Variants in ZNF117 observed in about 807,000 individuals in gnomAD.
The protein encoded by ZNF117 is zinc finger protein 117, also known as Krueppel-related zinc finger protein.
In ZNF117, 37 loss-of-function variants were observed where a neutral mutation model predicts 41.2. That is an observed-to-expected ratio of 0.90 (90% confidence interval 0.69 to 1.18). The LOEUF (loss-of-function observed/expected upper bound fraction) is 1.18, where lower values mean the gene tolerates loss of function less well. ZNF117 is among the 50% of genes most tolerant of loss of function. ZNF117 has a pLI of 0.00. For missense variants in ZNF117, 546 were observed against 557.5 expected, an observed-to-expected ratio of 0.98 and a Z score of 0.21; for synonymous variants, 186 against 186.6, an observed-to-expected ratio of 1.00 and a Z score of 0.02.
downstream of ZNF117, chr7:64,974,387 G>C (rs527521857): frequency 2.0e-5 from 3 of 151,992 alleles, no homozygotes; most frequent in South Asian, 4.1e-4. Flanking sequence ...TGAATCATAA[G>C]TCAGAAGATT....
chr7:64,976,780 G>A (rs1048541936), exon 3 of ZNF117: 3 of 369,974 alleles, frequency 8.1e-6, no homozygotes, highest in African/African-American at 4.3e-5. Context: ...AAGTTTGAAG[G>A]TGTTGTCAAA....
chr7:64,978,026 G>A (rs1785927934), exon 3 of ZNF117: 4 of 1,378,932 alleles, frequency 2.9e-6, no homozygotes, highest in Admixed American at 2.0e-5. Flanking sequence ...GTTTAGTAAG[G>A]GTTGAGAAAT....
exon 3 of ZNF117, chr7:64,974,541 ACACT>A (rs1379026454): frequency 6.6e-6 from 1 of 151,950 alleles, no homozygotes; most frequent in Non-Finnish European, 1.5e-5. Context: ...GTACAAACTC[ACACT>A]CACACAAAAA....
chr7:64,982,274 A>G (rs932607953), upstream of ZNF117, among the ~76,000 whole-genome samples: 4 of 152,232 alleles, frequency 2.6e-5, no homozygotes, highest in Non-Finnish European at 5.9e-5. Context: ...TTTTTAACAC[A>G]GAAATATTTT....
exon 3 of ZNF117, chr7:64,979,524 T>G (rs1785979033): frequency 1.4e-6 from 2 of 1,480,244 alleles, no homozygotes; most frequent in African/African-American, 2.8e-5. Context: ...TTGGGCAAAA[T>G]AATAAAACAT....
chr7:64,979,651 A>C (rs1007427187), intron 2 of ZNF117, 115 bp from the exon 4 acceptor site: 1 of 782,238 alleles, frequency 1.3e-6, no homozygotes, highest in Non-Finnish European at 1.8e-6. Flanking sequence ...ATAGCAAAAT[A>C]CCACAGGTTC....
chr7:64,978,212 A>T, exon 3 of ZNF117: 1 of 1,612,908 alleles, frequency 6.2e-7, no homozygotes, highest in Non-Finnish European at 8.5e-7. Flanking sequence ...ATTGGTTAAA[A>T]GCTTTGCCAC....
At chr7:64,985,967 A>AAAAAAAG (rs1554299672), upstream of ZNF117, among the ~76,000 whole-genome samples, 2 of 149,010 alleles carry the variant, frequency 1.3e-5, no homozygotes, top group African/African-American at 4.9e-5. Flanking sequence ...AAAAAAAAAA[A>AAAAAAAG]AAAGAAAGAA....
intron 2 of ZNF117, chr7:64,981,071 T>C (rs1411950310): frequency 3.4e-6 from 1 of 292,194 alleles, no homozygotes; most frequent in Non-Finnish European, 6.3e-6. Context: ...TTCTCAAAAT[T>C]ATGCATATTT....
At chr7:64,990,549 G>GT (rs34577522) in exon 1 of ZNF117, 78,239 of 153,146 alleles carry the variant, frequency 0.51, 20,977 homozygotes, top group Admixed American at 0.63. Context: ...TAATCATACC[G>GT]TGACAGGTTT....
exon 3 of ZNF117, chr7:64,978,335 A>G: frequency 6.2e-7 from 1 of 1,613,620 alleles, no homozygotes; most frequent in African/African-American, 1.3e-5. Flanking sequence ...GTTTCTCTCC[A>G]GTATGAATTT....
At chr7:64,989,518 G>C (rs1237133944) in intron 1 of ZNF117, among the ~76,000 whole-genome samples, 1 of 95,592 alleles carries the variant, frequency 1.0e-5, no homozygotes, top group Admixed American at 1.3e-4. Flanking sequence ...AAATAATCTA[G>C]AAAATAACCT....
chr7:64,979,018 T>C (rs1562984514), exon 3 of ZNF117: 2 of 1,613,378 alleles, frequency 1.2e-6, no homozygotes, highest in Non-Finnish European at 1.7e-6. Context: ...GTATGAATTC[T>C]CTTATGTCTA....
upstream of ZNF117, among the ~76,000 whole-genome samples, chr7:64,982,414 T>C (rs1354484354): frequency 6.6e-6 from 1 of 152,226 alleles, no homozygotes; most frequent in Non-Finnish European, 1.5e-5. Flanking sequence ...TATTTTTAAA[T>C]GCTATATCTG....
At chr7:64,988,194 CA>C (rs1404652014) in intron 1 of ZNF117, among the ~76,000 whole-genome samples, 1 of 152,042 alleles carries the variant, frequency 6.6e-6, no homozygotes. Flanking sequence ...ACCATTGATG[CA>C]AAAATCTTCA....
chr7:64,985,266 A>G (rs6460216), upstream of ZNF117, among the ~76,000 whole-genome samples: 57,746 of 152,164 alleles, frequency 0.38, 11,208 homozygotes, highest in Middle Eastern at 0.43. Context: ...TACAGACTCC[A>G]CTGTTCAGTT....
chr7:64,972,345 G>T (rs918235183), downstream of ZNF117: 1 of 151,944 alleles, frequency 6.6e-6, no homozygotes, highest in Non-Finnish European at 1.5e-5. Context: ...AAACATTTAT[G>T]CTTCTATGTT....
exon 3 of ZNF117, chr7:64,977,271 T>G: frequency 2.4e-6 from 1 of 411,516 alleles, no homozygotes; most frequent in South Asian, 1.9e-5. Context: ...GTCTGTAAGG[T>G]TTGAAGATCG....
chr7:64,972,721 T>G (rs1391462316), downstream of ZNF117: 1 of 152,072 alleles, frequency 6.6e-6, no homozygotes, highest in Non-Finnish European at 1.5e-5. Context: ...TTAAGAGATC[T>G]TTTTGTACAG....
Sources: allele counts gnomAD v4.1 joint callset (sites outside exome capture counted in the v4.1 genomes callset), GRCh38; gene constraint gnomAD v4.1.1; transcripts MANE v1.5; gene names NCBI Gene and HGNC (gene_info 2026-07-23, HGNC 2026-07-21).